DLG2: variants seen among roughly 807,000 people sequenced by gnomAD.
The protein encoded by DLG2 is discs large MAGUK scaffold protein 2, also known as disks large homolog 2.
DLG2 carries 45 observed loss-of-function variants against 132.5 expected under a neutral mutation model. The ratio of observed to expected loss-of-function variants is 0.34; its 90% CI spans 0.27 to 0.44. DLG2 has a LOEUF of 0.44. Among genes scored for constraint, DLG2 ranks in the 20% least tolerant of loss-of-function variants. The pLI is 1.00. For missense variants in DLG2, 1,045 were observed against 1,196.9 expected (o/e 0.87, Z 1.87); for synonymous variants, 424 against 419.6 (o/e 1.01, Z -0.13).
intron 4 of DLG2, among the ~76,000 whole-genome samples, chr11:85,283,817 G>A (rs1435084601): frequency 1.3e-5 from 2 of 149,368 alleles, no homozygotes; most frequent in African/African-American, 4.9e-5. Flanking sequence ...TGTATCCAGA[G>A]ACTTAAAAAT....
At chr11:84,639,453 C>G (rs182359873) in intron 6 of DLG2, among the ~76,000 whole-genome samples, 2 of 151,042 alleles carry the variant, frequency 1.3e-5, no homozygotes, top group Admixed American at 1.3e-4. Flanking sequence ...CAAATAATAG[C>G]TGTTGCCATC....
chr11:84,489,833 T>C (rs1344600741), intron 7 of DLG2, among the ~76,000 whole-genome samples: 1 of 152,024 alleles, frequency 6.6e-6, no homozygotes, highest in Non-Finnish European at 1.5e-5. Context: ...TTTCATATAT[T>C]CTATCATGTC....
intron 6 of DLG2, among the ~76,000 whole-genome samples, chr11:84,577,348 G>A (rs989779111): frequency 1.3e-5 from 2 of 152,154 alleles, no homozygotes; most frequent in African/African-American, 2.4e-5. Flanking sequence ...CAGTTTGGAG[G>A]GCTCAGAAGA....
At chr11:85,317,390 A>G (rs1027429931) in intron 3 of DLG2, among the ~76,000 whole-genome samples, 3 of 151,934 alleles carry the variant, frequency 2.0e-5, no homozygotes, top group African/African-American at 4.8e-5. Context: ...AGGCAGCCTC[A>G]TGATATAATT....
chr11:84,222,662 G>A (rs1034512706), intron 8 of DLG2, among the ~76,000 whole-genome samples: 1 of 152,124 alleles, frequency 6.6e-6, no homozygotes, highest in African/African-American at 2.4e-5. Flanking sequence ...CTGAGAACCT[G>A]AGGCTCACCT....
chr11:83,805,233 A>G (rs1050307367), intron 17 of DLG2, among the ~76,000 whole-genome samples: 2 of 152,116 alleles, frequency 1.3e-5, no homozygotes, highest in Non-Finnish European at 2.9e-5. Context: ...TTGTTTTAGC[A>G]TCTATGGATT....
chr11:84,117,273 A>G (rs928357454), intron 9 of DLG2, among the ~76,000 whole-genome samples: 2 of 152,122 alleles, frequency 1.3e-5, no homozygotes, highest in African/African-American at 4.8e-5. Flanking sequence ...AGCCTGCTTT[A>G]GTTTTTAGCC....
At position 85,003,980 on chromosome 11, in the gene DLG2, C is replaced by T. The variant is rs189819435; in HGVS notation, c.357+107681G>A. ...GTGAGAACATGCGGTATTTGGTTTT[C>T]TGTTCCTGTGTTAGTTTGCTGAAAA... On this transcript the variant is annotated intron_variant, in intron 6 of 27. Transcript: ENST00000376104. Among the ~76,000 whole-genome samples the T allele has an allele frequency of 5.5e-3, 830 of 152,240 alleles. 2 individuals are homozygous for T. The highest frequency in any genetic ancestry group is 8.2e-3 in the Non-Finnish European group (555 of 67,994).
intron 7 of DLG2, among the ~76,000 whole-genome samples, chr11:84,331,466 T>TA (rs2154401415): frequency 6.7e-6 from 1 of 149,382 alleles, no homozygotes; most frequent in East Asian, 2.0e-4. Context: ...AAAAAATAAA[T>TA]AAATAAATAA....
rs35759527 is a variant in DLG2, at chr11:84,646,702, T to TA, written c.358-111972dup. On this transcript the variant is annotated intron_variant, in intron 6 of 27. Transcript: ENST00000376104. ...ACCTCAGAGCACAAGATTTTACACT[T>TA]AAAAAAAAAAAAGGAAAAAAAGCAA... is the stretch of plus-strand genomic sequence containing the variant. Among the ~76,000 whole-genome samples, 89 of 144,028 alleles carry TA rather than the reference T, an allele frequency of 6.2e-4. 1 individual carries two copies. The highest frequency in any genetic ancestry group is 3.6e-3 in the Middle Eastern group (1 of 278). 94.5% of individuals were successfully genotyped at this position (144,028 alleles called of 152,430 possible).
At chr11:84,409,951 T>C (rs1296814414) in intron 7 of DLG2, among the ~76,000 whole-genome samples, 1 of 152,200 alleles carries the variant, frequency 6.6e-6, no homozygotes, top group Non-Finnish European at 1.5e-5. Context: ...TTGTGACTTT[T>C]AGAACTCATA....
At chr11:84,893,539 C>T (rs1048559406) in intron 6 of DLG2, among the ~76,000 whole-genome samples, 2 of 152,138 alleles carry the variant, frequency 1.3e-5, no homozygotes, top group Non-Finnish European at 1.5e-5. Flanking sequence ...ATGCTACCTC[C>T]TTATGGCTAG....
chr11:84,268,696 C>T (rs1340956144), intron 7 of DLG2, among the ~76,000 whole-genome samples: 3 of 151,936 alleles, frequency 2.0e-5, no homozygotes, highest in Non-Finnish European at 4.4e-5. Context: ...CTCCTGACCT[C>T]GTGATCCGCC....
chr11:84,280,350 C>T (rs1057198452), intron 7 of DLG2, among the ~76,000 whole-genome samples: 1 of 150,722 alleles, frequency 6.6e-6, no homozygotes, highest in African/African-American at 2.4e-5. Flanking sequence ...ACCCAAGCAA[C>T]CCCTGTATCC....
chr11:85,518,435 G>A (rs1565623811), intron 3 of DLG2, among the ~76,000 whole-genome samples: 1 of 152,162 alleles, frequency 6.6e-6, no homozygotes, highest in Non-Finnish European at 1.5e-5. Flanking sequence ...CTGCACTAGA[G>A]ATTTGTAGAA....
chr11:85,093,032 TAACA>T (rs1302268176), intron 6 of DLG2, among the ~76,000 whole-genome samples: 2 of 152,182 alleles, frequency 1.3e-5, no homozygotes, highest in African/African-American at 4.8e-5. Context: ...ATCCTTTGTG[TAACA>T]AACAATCCAA....
intron 16 of DLG2, among the ~76,000 whole-genome samples, chr11:83,868,348 A>C (rs1368343564): frequency 6.6e-6 from 1 of 152,168 alleles, no homozygotes; most frequent in African/African-American, 2.4e-5. Context: ...ACTATAAGTC[A>C]CAAACATAAA....
chr11:84,530,967 G>A (rs989784677), intron 7 of DLG2, among the ~76,000 whole-genome samples: 4 of 151,974 alleles, frequency 2.6e-5, no homozygotes, highest in South Asian at 2.1e-4. Flanking sequence ...AGGCCAAGGC[G>A]GGAGGATCAC....
Position 84,384,648 on chromosome 11 carries a change from CATG to C in DLG2, c.520-133360_520-133358del, listed in dbSNP as rs1258771879. Reference sequence around the variant, plus strand: ...CAGGCTAATGAATTATAGCCAATGACATGATAACTATATTAAATATATATATAT... The same window carrying C: ...CAGGCTAATGAATTATAGCCAATGACATAACTATATTAAATATATATATAT... On this transcript the variant is annotated intron_variant, in intron 7 of 27. Transcript: ENST00000376104. Among the ~76,000 whole-genome samples, 8 of 152,016 alleles carry C rather than the reference CATG, an allele frequency of 5.3e-5. No homozygotes were observed. In the East Asian group the frequency reaches 7.7e-4, roughly 15 times the overall value.
Sources: allele counts gnomAD v4.1 joint callset (sites outside exome capture counted in the v4.1 genomes callset), GRCh38; gene constraint gnomAD v4.1.1; transcripts MANE v1.5; gene names NCBI Gene and HGNC (gene_info 2026-07-23, HGNC 2026-07-21).